TBCE: variants seen among roughly 807,000 people sequenced by gnomAD.
TBCE encodes the protein tubulin-specific chaperone E.
Under a neutral mutation model 77.0 loss-of-function variants are expected in TBCE, and 53 were observed. The ratio of observed to expected loss-of-function variants is 0.69; its 90% CI spans 0.55 to 0.87. The LOEUF is 0.87. Ranked by LOEUF, TBCE falls within the 40% of genes least tolerant of loss-of-function variation. The pLI is 0.00. For missense variants in TBCE, 624 were observed against 622.4 expected, an observed-to-expected ratio of 1.00 and a Z score of -0.03; for synonymous variants, 235 against 241.3, an observed-to-expected ratio of 0.97 and a Z score of 0.24.
intron 15 of TBCE, among the ~76,000 whole-genome samples, chr1:235,443,971 G>T (rs996821542): frequency 1.3e-5 from 2 of 152,170 alleles, no homozygotes; most frequent in Non-Finnish European, 2.9e-5. Flanking sequence ...GATTAAACTT[G>T]ATTCATAGCT....
At chr1:235,409,679 ACTT>A (rs763030153) in intron 3 of TBCE, among the ~76,000 whole-genome samples, 36 of 150,624 alleles carry the variant, frequency 2.4e-4, no homozygotes, top group Middle Eastern at 3.4e-3. Context: ...TCTGTTCATG[ACTT>A]CTTGTTTTTT....
At chr1:235,400,905 GCCAGTCTCGA>G (rs139415189) in intron 2 of TBCE, among the ~76,000 whole-genome samples, 8,905 of 150,690 alleles carry the variant, frequency 0.059, 459 homozygotes, top group African/African-American at 0.14. Context: ...CGTTGGTCAG[GCCAGTCTCGA>G]CCAGTCTCGA....
chr1:235,426,532 T>C (rs1680723023), intron 5 of TBCE, among the ~76,000 whole-genome samples: 1 of 152,214 alleles, frequency 6.6e-6, no homozygotes, highest in East Asian at 1.9e-4. Context: ...TCACTGCTTT[T>C]CCCCTCTCCT....
In TBCE at chr1:235,442,864, AATACCCTC is replaced by A; in HGVS notation, c.1355_1362del (p.Tyr452SerfsTer3). The stretch of plus-strand genomic sequence containing the variant: ...GTTTCTCTTAAAGCACTGAAGATAA[AATACCCTC>A]ATCAACTTGATCAGAAAGTCCTGGA... On this transcript the variant is annotated frameshift_variant, in exon 15 of 17. Coordinates refer to ENST00000642610, the MANE Select transcript of TBCE (RefSeq NM_003193.5). LOFTEE classifies it high-confidence loss of function. 6.2e-7 allele frequency: 1 copy of A among 1,614,042 alleles called. No homozygotes were observed. Among genetic ancestry groups the A allele is most frequent in the Non-Finnish European group, 8.5e-7 (1 of 1,179,982 alleles).
At chr1:235,404,817 A>T (rs929007071) in intron 3 of TBCE, among the ~76,000 whole-genome samples, 64 of 151,718 alleles carry the variant, frequency 4.2e-4, no homozygotes, top group African/African-American at 1.5e-3. Flanking sequence ...ATGCGCCACC[A>T]CACCTGGGTA....
At chr1:235,444,287 A>G (rs1457707267) in intron 15 of TBCE, among the ~76,000 whole-genome samples, 1 of 152,246 alleles carries the variant, frequency 6.6e-6, no homozygotes, top group Admixed American at 6.5e-5. Context: ...CTACTGCTAT[A>G]TAATGGGTTA....
chr1:235,450,088 G>A lies in TBCE; in HGVS notation c.*1326G>A. 1 of 1,283,768 alleles carries A rather than the reference G, an allele frequency of 7.8e-7. No individual in the cohort carries two copies. Among genetic ancestry groups the A allele is most frequent in the Non-Finnish European group, 1.1e-6 (1 of 916,610 alleles). The allele number at this position is 1,283,768 out of a possible 1,614,324, so 79.5% of individuals were successfully genotyped here. On this transcript the variant is annotated 3_prime_UTR_variant, in exon 17 of 17. Coordinates refer to ENST00000642610, the MANE Select transcript of TBCE (RefSeq NM_003193.5). ...GCATTGGTTCTGGGTGAAAGTGCCAGTCTGGAACTCTCTTGAAAGACCATA... is the reference window on the plus strand; with the variant it reads ...GCATTGGTTCTGGGTGAAAGTGCCAATCTGGAACTCTCTTGAAAGACCATA...
In TBCE at chr1:235,449,465, T is replaced by C. The variant is rs979754360; in HGVS notation, c.*703T>C. 1 of 153,040 alleles carries C rather than the reference T, an allele frequency of 6.5e-6. No individual in the cohort carries two copies. The highest frequency in any genetic ancestry group is 2.4e-5 in the African/African-American group (1 of 41,460). 9.5% of individuals were successfully genotyped at this position (153,040 alleles called of 1,614,324 possible). ...ATGGCACTAAAACCCTGAGAGGTAT[T>C]TGCTTTTATTCATACTCACACAACT... On this transcript the variant is annotated 3_prime_UTR_variant, in exon 17 of 17. Coordinates refer to ENST00000642610, the MANE Select transcript of TBCE (RefSeq NM_003193.5).
chr1:235,399,456 ATCT>A (rs939750896), intron 2 of TBCE, among the ~76,000 whole-genome samples: 4 of 151,732 alleles, frequency 2.6e-5, no homozygotes, highest in African/African-American at 7.3e-5. Flanking sequence ...CAGAACTCTA[ATCT>A]TCTTCCACCA....
At chr1:235,377,917 C>G (rs1338424292) in intron 1 of TBCE, among the ~76,000 whole-genome samples, 1 of 151,942 alleles carries the variant, frequency 6.6e-6, no homozygotes, top group Non-Finnish European at 1.5e-5. Context: ...TCTCAAAGTG[C>G]TGGGATTACA....
chr1:235,389,146 T>C (rs1421836903), intron 2 of TBCE, among the ~76,000 whole-genome samples: 7 of 152,192 alleles, frequency 4.6e-5, no homozygotes, highest in African/African-American at 9.6e-5. Context: ...TACAGTAATA[T>C]AGATAAAAGT....
At chr1:235,397,265 G>A (rs997333478) in intron 2 of TBCE, among the ~76,000 whole-genome samples, 3 of 148,138 alleles carry the variant, frequency 2.0e-5, no homozygotes, top group Admixed American at 6.8e-5. Flanking sequence ...GCAGTGGCGC[G>A]ATCTGGGCTC....
At chr1:235,443,622 C>T (rs562495636) in intron 15 of TBCE, among the ~76,000 whole-genome samples, 2 of 152,322 alleles carry the variant, frequency 1.3e-5, no homozygotes, top group South Asian at 2.1e-4. Flanking sequence ...GGGTCTGCTT[C>T]TCATCCCTTC....
chr1:235,429,922 T>G (rs1485512165), intron 6 of TBCE: 2 of 152,318 alleles, frequency 1.3e-5, no homozygotes, highest in Non-Finnish European at 2.9e-5. Flanking sequence ...TTCATCATGT[T>G]GGCCAGGCTA....
At chr1:235,426,367 C>G (rs72759726) in intron 5 of TBCE, among the ~76,000 whole-genome samples, 2 of 152,268 alleles carry the variant, frequency 1.3e-5, no homozygotes, top group Non-Finnish European at 2.9e-5. Flanking sequence ...CTAAGTCATG[C>G]GCTTTTGCAC....
chr1:235,389,896 G>A (rs906933436), intron 2 of TBCE, among the ~76,000 whole-genome samples: 10 of 152,102 alleles, frequency 6.6e-5, no homozygotes, highest in African/African-American at 2.2e-4. Flanking sequence ...AGCCAAGGCT[G>A]TAGATCACTT....
At chr1:235,421,910 GA>G (rs1680420272) in intron 5 of TBCE, among the ~76,000 whole-genome samples, 1 of 152,186 alleles carries the variant, frequency 6.6e-6, no homozygotes. Context: ...TGCAGTGAAG[GA>G]AATTAGATCA....
At position 235,437,434 on chromosome 1, in the gene TBCE, T is replaced by C. The variant is rs534421903; in HGVS notation, c.1076T>C (p.Ile359Thr). The C allele has an allele frequency of 6.9e-5, 112 of 1,614,170 alleles. 3 individuals are homozygous for C. The South Asian group carries it at 1.2e-3, about 17-fold the overall frequency. Residue 359 changes from isoleucine to threonine, a missense_variant, in exon 12 of 17, where the codon ATC becomes ACC. Coordinates refer to ENST00000642610, the MANE Select transcript of TBCE (RefSeq NM_003193.5). ...GCAGAGACGGCGCGACTACTCATTA[T>C]CGCCAGCATTGGCCAGCTGAAGACG... ...KEAETARLLI[I>T]ASIGQLKTLN... is the part of the protein sequence containing the mutation.
rs56349218 is a variant in TBCE at position 235,391,441 on chromosome 1, C to T, written c.101-10062C>T. 5.4e-3 allele frequency among the ~76,000 whole-genome samples: 802 copies of T among 148,958 alleles called. 7 individuals carry two copies. Among genetic ancestry groups the T allele is most frequent in the African/African-American group, 0.019 (779 of 40,430 alleles). On this transcript the variant is annotated intron_variant, in intron 2 of 16. Coordinates refer to ENST00000642610, the MANE Select transcript of TBCE (RefSeq NM_003193.5). ...TGGAGGTTGCAGTGAGCCGAGATTG[C>T]ACCACTGCACCCCAGCCTGGGCCAC...
Sources: allele counts gnomAD v4.1 joint callset (sites outside exome capture counted in the v4.1 genomes callset), GRCh38; gene constraint gnomAD v4.1.1; transcripts MANE v1.5; gene names NCBI Gene and HGNC (gene_info 2026-07-23, HGNC 2026-07-21).